PAX3: variants seen among roughly 807,000 people sequenced by gnomAD.
PAX3 encodes the protein paired box 3.
A neutral mutation model predicts 51.6 loss-of-function variants in PAX3; 14 were observed. The observed-to-expected ratio is 0.27, with a 90% confidence interval of 0.18 to 0.42. PAX3 has a LOEUF of 0.42. Among genes scored for constraint, PAX3 ranks in the 10% least tolerant of loss-of-function variants. The probability of loss-of-function intolerance (pLI) is 1.00; values close to 1 mark genes in which losing one functional copy is unlikely to be tolerated. For missense variants in PAX3, 540 were observed against 642.8 expected, an observed-to-expected ratio of 0.84 and a Z score of 1.73; for synonymous variants, 280 against 253.4, an observed-to-expected ratio of 1.11 and a Z score of -1.00.
chr2:222,275,242 T>A (rs1386555560), intron 4 of PAX3, among the ~76,000 whole-genome samples: 1 of 152,166 alleles, frequency 6.6e-6, no homozygotes, highest in African/African-American at 2.4e-5. Context: ...CTTCCTAACA[T>A]TCTCGTTTTA....
At chr2:222,224,964 A>G (rs1168118348) in intron 5 of PAX3, among the ~76,000 whole-genome samples, 1 of 152,176 alleles carries the variant, frequency 6.6e-6, no homozygotes, top group Non-Finnish European at 1.5e-5. Flanking sequence ...TGGAAAGAAC[A>G]AGATTTACAA....
Position 222,276,705 on chromosome 2 carries a change from G to C in PAX3, c.586+17462C>G, listed in dbSNP as rs369176772. On this transcript the variant is annotated intron_variant, in intron 4 of 8. Coordinates refer to ENST00000392070, the MANE Select transcript of PAX3 (RefSeq NM_181458.4). ...GAGACCTACAAGAAACATCTAGAAA[G>C]TGCCTAACACAACCTTTACAGCTAA... Among the ~76,000 whole-genome samples the C allele has an allele frequency of 5.9e-5, 9 of 152,336 alleles. No homozygotes were observed. The South Asian group carries it at 1.2e-3, about 21-fold the overall frequency.
chr2:222,232,023 C>A, intron 5 of PAX3, 55 bp downstream of exon 5: 2 of 1,516,054 alleles, frequency 1.3e-6, no homozygotes, highest in South Asian at 2.3e-5. Flanking sequence ...TGAGAAGATG[C>A]TTGTTTGTTT....
intron 5 of PAX3, among the ~76,000 whole-genome samples, chr2:222,230,727 C>T (rs1443843114): frequency 6.6e-6 from 1 of 151,698 alleles, no homozygotes; most frequent in East Asian, 1.9e-4. Flanking sequence ...TGGTGGCAAG[C>T]ACCTGTAATC....
At chr2:222,279,142 G>A (rs976568245) in intron 4 of PAX3, among the ~76,000 whole-genome samples, 1 of 152,106 alleles carries the variant, frequency 6.6e-6, no homozygotes, top group Admixed American at 6.5e-5. Context: ...GTAGAGACGG[G>A]GCGGTTTCAC....
In PAX3 at chr2:222,294,228, C is replaced by T; in HGVS notation, c.525G>A (p.Lys175=). ...CCTTCTTCTCGCTTTCCTCTGCCTC[C>T]TTCCTCTCCAAGTCGGCCTCCTCCT... ...GEEEEADLER[K]EAEESEKKAK... The change falls in exon 4 of 9, where the codon AAG becomes AAA. Residue 175 remains lysine (K), a synonymous_variant. Transcript: ENST00000392070. 1 of 1,614,256 alleles carries T rather than the reference C, an allele frequency of 6.2e-7. No individual in the cohort carries two copies. Among genetic ancestry groups the T allele is most frequent in the Non-Finnish European group, 8.5e-7 (1 of 1,180,044 alleles).
At chr2:222,255,735 A>G (rs1250289561) in intron 4 of PAX3, among the ~76,000 whole-genome samples, 1 of 150,938 alleles carries the variant, frequency 6.6e-6, no homozygotes, top group African/African-American at 2.4e-5. Context: ...AGCACATGCT[A>G]TTTCACACGT....
intron 7 of PAX3, among the ~76,000 whole-genome samples, chr2:222,216,617 G>A (rs1173741007): frequency 6.6e-6 from 1 of 152,086 alleles, no homozygotes; most frequent in Non-Finnish European, 1.5e-5. Flanking sequence ...TGCGCCATTT[G>A]GCAAATGGCT....
chr2:222,233,489 G>A (rs1234843758), intron 4 of PAX3, among the ~76,000 whole-genome samples: 1 of 152,164 alleles, frequency 6.6e-6, no homozygotes, highest in African/African-American at 2.4e-5. Flanking sequence ...GAGGGCAGGG[G>A]TGGAGCAGGC....
intron 4 of PAX3, chr2:222,262,449 A>C (rs1387517353): frequency 6.6e-6 from 1 of 152,170 alleles, no homozygotes; most frequent in Non-Finnish European, 1.5e-5. Context: ...ATAGAGGAAA[A>C]ATTTATAATA....
chr2:222,284,799 A>G (rs552983534), intron 4 of PAX3, among the ~76,000 whole-genome samples: 3 of 152,344 alleles, frequency 2.0e-5, no homozygotes, highest in East Asian at 1.9e-4. Flanking sequence ...TGTAATTTGC[A>G]CATAATATGC....
intron 4 of PAX3, among the ~76,000 whole-genome samples, chr2:222,234,227 T>G (rs183950678): frequency 1.6e-4 from 25 of 152,256 alleles, no homozygotes; most frequent in African/African-American, 5.5e-4. Context: ...TACATGTGCA[T>G]AAAACAAAAG....
Position 222,231,949 on chromosome 2 carries a change from T to C in PAX3, c.792+129A>G, listed in dbSNP as rs1692611945. The C allele has an allele frequency of 3.7e-6, 3 of 801,264 alleles. No homozygotes were observed. In the East Asian group the frequency reaches 7.5e-5, roughly 20 times the overall value. The allele number at this position is 801,264 out of a possible 1,614,324, so 49.6% of individuals were successfully genotyped here. A position where few individuals can be genotyped will look rare whatever the true frequency, so the allele number is the denominator to read the frequency against. ...CAGTAAATAATCAAAGTCCTAACAATATGCATCCCTAGTAAAGGGCCATTC... is the reference window on the plus strand; with the variant it reads ...CAGTAAATAATCAAAGTCCTAACAACATGCATCCCTAGTAAAGGGCCATTC... On this transcript the variant is annotated intron_variant, in intron 5 of 8. Coordinates refer to ENST00000392070, the MANE Select transcript of PAX3 (RefSeq NM_181458.4).
intron 4 of PAX3, among the ~76,000 whole-genome samples, chr2:222,276,115 G>A (rs1362421559): frequency 6.6e-6 from 1 of 152,178 alleles, no homozygotes; most frequent in African/African-American, 2.4e-5. Context: ...AATCGTCCAG[G>A]CATAGACGAA....
At chr2:222,230,561 A>T (rs1363808357) in intron 5 of PAX3, among the ~76,000 whole-genome samples, 2 of 152,000 alleles carry the variant, frequency 1.3e-5, no homozygotes, top group Non-Finnish European at 2.9e-5. Flanking sequence ...TTAAAGTATA[A>T]TTTTTTAAAA....
At chr2:222,278,347 T>C (rs1300901939) in intron 4 of PAX3, among the ~76,000 whole-genome samples, 3 of 152,094 alleles carry the variant, frequency 2.0e-5, no homozygotes, top group African/African-American at 7.2e-5. Flanking sequence ...CCCAGTCCTC[T>C]AGAGGAGGGG....
At chr2:222,223,940 C>G (rs952545936) in intron 5 of PAX3, among the ~76,000 whole-genome samples, 1 of 152,162 alleles carries the variant, frequency 6.6e-6, no homozygotes, top group Non-Finnish European at 1.5e-5. Context: ...CCATCAATCT[C>G]AAGTTACTAT....
At chr2:222,229,189 T>C (rs1692492947) in intron 5 of PAX3, among the ~76,000 whole-genome samples, 1 of 151,106 alleles carries the variant, frequency 6.6e-6, no homozygotes, top group Non-Finnish European at 1.5e-5. Flanking sequence ...TTGATTGTGA[T>C]ACAGATTTTT....
intron 7 of PAX3, among the ~76,000 whole-genome samples, chr2:222,212,626 CACACACA>C (rs1691786665): frequency 3.6e-5 from 4 of 111,422 alleles, no homozygotes; most frequent in Non-Finnish European, 8.3e-5. Context: ...AAAACAAACA[CACACACA>C]CACACACACA....
Sources: allele counts gnomAD v4.1 joint callset (sites outside exome capture counted in the v4.1 genomes callset), GRCh38; gene constraint gnomAD v4.1.1; transcripts MANE v1.5; gene names NCBI Gene and HGNC (gene_info 2026-07-23, HGNC 2026-07-21).